CACNA1A: variants seen among roughly 807,000 people sequenced by gnomAD.
CACNA1A encodes the protein voltage-dependent P/Q-type calcium channel subunit alpha-1A.
CACNA1A carries 57 observed loss-of-function variants against 262.4 expected under a neutral mutation model. The ratio of observed to expected loss-of-function variants is 0.22; its 90% CI spans 0.18 to 0.27. The LOEUF (loss-of-function observed/expected upper bound fraction) is 0.27, where lower values mean the gene tolerates loss of function less well. Among genes scored for constraint, CACNA1A ranks in the 10% least tolerant of loss-of-function variants. CACNA1A has a pLI of 1.00. For synonymous variants in CACNA1A, 1,431 were observed against 1,419.3 expected (o/e 1.01, Z -0.18); for missense variants, 2,526 against 3,562.8 (o/e 0.71, Z 7.41).
intron 44 of CACNA1A, among the ~76,000 whole-genome samples, chr19:13,210,384 A>T (rs1038368674): frequency 6.6e-6 from 1 of 152,046 alleles, no homozygotes; most frequent in Non-Finnish European, 1.5e-5. Flanking sequence ...GGCCCTGAAG[A>T]AAAGGGGGTA....
chr19:13,455,099 T>A lies in CACNA1A; in HGVS notation c.399+8A>T. 6.4e-7 allele frequency: 1 copy of A among 1,563,046 alleles called. No individual in the cohort carries two copies. The highest frequency in any genetic ancestry group is 1.1e-5 in the South Asian group (1 of 89,844). On this transcript the variant is annotated splice_region_variant and intron_variant, in intron 2 of 46. Transcript: ENST00000360228. ...AAGGAGAAGACCCTGAGAAAAGACA[T>A]CACTCACCAGCCGTTCAGACATCGG...
intron 10 of CACNA1A, among the ~76,000 whole-genome samples, chr19:13,323,272 AAAAC>A (rs1243537515): frequency 6.7e-6 from 1 of 148,768 alleles, no homozygotes; most frequent in Non-Finnish European, 1.5e-5. Context: ...AACAAAACAA[AAAAC>A]AAAAAACAAA....
chr19:13,441,061 C>A (rs2060710263), intron 3 of CACNA1A, among the ~76,000 whole-genome samples: 1 of 152,218 alleles, frequency 6.6e-6, no homozygotes, highest in African/African-American at 2.4e-5. Context: ...GATTCACCCA[C>A]CTTGGCTTCC....
intron 6 of CACNA1A, among the ~76,000 whole-genome samples, chr19:13,337,523 A>G (rs2058596680): frequency 2.0e-5 from 3 of 152,188 alleles, no homozygotes; most frequent in Admixed American, 6.5e-5. Flanking sequence ...TGGTGCAAAA[A>G]TAACGGCAGT....
At position 13,231,001 on chromosome 19, in the gene CACNA1A, T is replaced by C. The variant is rs142216302; in HGVS notation, c.5400+709A>G. 8.5e-4 allele frequency among the ~76,000 whole-genome samples: 14 copies of C among 16,408 alleles called. No homozygotes were observed. In the Admixed American group the frequency reaches 9.1e-3, roughly 11 times the overall value. The allele number at this position is 16,408 out of a possible 152,430, so 10.8% of individuals were successfully genotyped here. On this transcript the variant is annotated intron_variant, in intron 35 of 46. Transcript: ENST00000360228. ...TCCCTCGCAATGTTTTTTTTTTTTT[T>C]GTTTGTTTTTGTTTGTTTTTGAGAC...
chr19:13,380,366 C>G (rs2059497781), intron 3 of CACNA1A, among the ~76,000 whole-genome samples: 1 of 149,750 alleles, frequency 6.7e-6, no homozygotes, highest in Non-Finnish European at 1.5e-5. Flanking sequence ...AATTTTATAG[C>G]CAGGCGCGGT....
At chr19:13,282,905 G>A (rs771129139) in intron 22 of CACNA1A, among the ~76,000 whole-genome samples, 31 of 152,226 alleles carry the variant, frequency 2.0e-4, no homozygotes, top group Admixed American at 2.0e-4. Flanking sequence ...TGTCTACTGC[G>A]GAGGGGACCA....
chr19:13,368,346 T>C (rs1009336584), intron 4 of CACNA1A, among the ~76,000 whole-genome samples: 4 of 151,852 alleles, frequency 2.6e-5, no homozygotes, highest in African/African-American at 9.7e-5. Context: ...GGCTTTTTTT[T>C]TTTTTTGAGA....
chr19:13,351,088 T>G lies in CACNA1A; in HGVS notation c.978+8518A>C, dbSNP rs74911724. Among the ~76,000 whole-genome samples the G allele has an allele frequency of 3.8e-3, 574 of 152,298 alleles. 4 individuals carry two copies. Among genetic ancestry groups the G allele is most frequent in the African/African-American group, 0.013 (529 of 41,572 alleles). On this transcript the variant is annotated intron_variant, in intron 6 of 46. Coordinates refer to ENST00000360228, the MANE Select transcript of CACNA1A (RefSeq NM_001127222.2). ...TCCACATCCCTGGGGGATACTAATC[T>G]TCATCATTTGGTTAAAGTGGTATCT...
intron 1 of CACNA1A, among the ~76,000 whole-genome samples, chr19:13,502,277 C>T (rs1982474133): frequency 6.6e-6 from 1 of 152,024 alleles, no homozygotes; most frequent in African/African-American, 2.4e-5. Flanking sequence ...TTCTGCAAAC[C>T]GGATGAAAAG....
chr19:13,459,089 C>T (rs779343500), intron 1 of CACNA1A, among the ~76,000 whole-genome samples: 7 of 152,142 alleles, frequency 4.6e-5, no homozygotes, highest in Non-Finnish European at 8.8e-5. Context: ...GGTCTCTAAA[C>T]ATTGCTGAGT....
intron 31 of CACNA1A, among the ~76,000 whole-genome samples, chr19:13,242,320 G>A (rs1293412492): frequency 6.6e-6 from 1 of 152,102 alleles, no homozygotes; most frequent in Admixed American, 6.6e-5. Flanking sequence ...TTGAGACAGA[G>A]TTTCACTCTG....
At chr19:13,389,005 C>A (rs182163529) in intron 3 of CACNA1A, among the ~76,000 whole-genome samples, 10 of 152,014 alleles carry the variant, frequency 6.6e-5, no homozygotes, top group Admixed American at 2.0e-4. Context: ...TGGGTTCAAG[C>A]GATTCTCTTG....
In CACNA1A at chr19:13,207,410, C is replaced by A. The variant is rs1239663368; in HGVS notation, c.7424G>T (p.Gly2475Val). ...PSRHGRRLPN[G>V]YYPAHGLARP... Reference sequence around the variant, plus strand: ...GGCCAGTCCGTGCGCCGGGTAGTAGCCGTTGGGGAGTCGCCGGCCGTGCCG... The same window carrying A: ...GGCCAGTCCGTGCGCCGGGTAGTAGACGTTGGGGAGTCGCCGGCCGTGCCG... Residue 2475 changes from glycine (G) to valine (V), a missense_variant, in exon 47 of 47, where the codon GGC becomes GTC. Physicochemically the swap from Gly to Val is moderately radical, Grantham distance 109 (BLOSUM62 -3). Transcript: ENST00000360228. The surrounding 1 kb of genome is among the most constrained non-coding windows in gnomAD (Gnocchi z 5.7). 6.5e-7 allele frequency: 1 copy of A among 1,533,374 alleles called. No homozygotes were observed. The highest frequency in any genetic ancestry group is 1.4e-5 in the African/African-American group (1 of 72,010). 95.0% of individuals were successfully genotyped at this position (1,533,374 alleles called of 1,614,324 possible). A position where few individuals can be genotyped will look rare whatever the true frequency, so the allele number is the denominator to read the frequency against.
At chr19:13,439,196 C>T (rs2060667564) in intron 3 of CACNA1A, among the ~76,000 whole-genome samples, 1 of 151,134 alleles carries the variant, frequency 6.6e-6, no homozygotes, top group Admixed American at 6.6e-5. Context: ...GCAAGCTCCG[C>T]CTCCCAGGTT....
intron 31 of CACNA1A, among the ~76,000 whole-genome samples, chr19:13,240,465 G>A (rs1218373235): frequency 1.3e-5 from 2 of 151,880 alleles, no homozygotes; most frequent in Non-Finnish European, 2.9e-5. Context: ...CAGTGACTGT[G>A]CAGTGTGTGT....
At chr19:13,409,181 T>C (rs1461659991) in intron 3 of CACNA1A, among the ~76,000 whole-genome samples, 1 of 152,116 alleles carries the variant, frequency 6.6e-6, no homozygotes, top group East Asian at 1.9e-4. Context: ...CTTTCCCGAA[T>C]GATGGAGTAT....
rs770400398 is a variant in CACNA1A at position 13,275,826 on chromosome 19, A to T, written c.3989+24T>A. On this transcript the variant is annotated intron_variant, in intron 24 of 46. Coordinates refer to ENST00000360228, the MANE Select transcript of CACNA1A (RefSeq NM_001127222.2). ...TGGGGGTTGGGGGAAAAGAGGCAAG[A>T]GGAACCCTTGCGAGGAGACTTACGT... is the stretch of plus-strand genomic sequence containing the variant. 3.4e-6 allele frequency: 5 copies of T among 1,487,106 alleles called. No homozygotes were observed. In the East Asian group the frequency reaches 1.1e-4, roughly 34 times the overall value. The allele number at this position is 1,487,106 out of a possible 1,614,324, so 92.1% of individuals were successfully genotyped here. A position where few individuals can be genotyped will look rare whatever the true frequency, so the allele number is the denominator to read the frequency against.
chr19:13,309,165 C>T lies in CACNA1A; in HGVS notation c.1669-637G>A, dbSNP rs570182554. 5.9e-5 allele frequency among the ~76,000 whole-genome samples: 9 copies of T among 152,126 alleles called. No individual in the cohort carries two copies. The South Asian group carries it at 1.9e-3, about 32-fold the overall frequency. On this transcript the variant is annotated intron_variant, in intron 12 of 46. Transcript: ENST00000360228. Reference sequence around the variant, plus strand: ...CTGGGATTACAGGCACCCGCCACCACGCCCGGCTAATTTTTTGTATTTTTA... The same window carrying T: ...CTGGGATTACAGGCACCCGCCACCATGCCCGGCTAATTTTTTGTATTTTTA...
Sources: gnomAD v4.1 joint callset for allele counts (sites outside exome capture counted in the v4.1 genomes callset) on GRCh38, gnomAD v4.1.1 for gene constraint, Gnocchi (gnomAD v3.1) non-coding constraint, MANE v1.5 for transcripts, NCBI Gene and HGNC (gene_info 2026-07-23, HGNC 2026-07-21) for gene names.